ERBB4: variants seen among roughly 807,000 people sequenced by gnomAD.
ERBB4 encodes the protein receptor tyrosine-protein kinase erbB-4.
Under a neutral mutation model 158.0 loss-of-function variants are expected in ERBB4, and 42 were observed. The ratio of observed to expected loss-of-function variants is 0.27; its 90% CI spans 0.21 to 0.34. The LOEUF is 0.34. Ranked by LOEUF, ERBB4 falls within the 10% of genes least tolerant of loss-of-function variation. The pLI, the probability that ERBB4 is intolerant of heterozygous loss-of-function variation, is 1.00. For synonymous variants in ERBB4, 583 were observed against 558.7 expected (o/e 1.04, Z -0.61); for missense variants, 1,333 against 1,624.1 (o/e 0.82, Z 3.08).
chr2:212,535,309 A>C (rs4233986), intron 1 of ERBB4, among the ~76,000 whole-genome samples: 1 of 152,000 alleles, frequency 6.6e-6, no homozygotes, highest in African/African-American at 2.4e-5. Flanking sequence ...TACAGTAAAC[A>C]CTTGTAAGAA....
At chr2:212,074,518 C>T (rs1029786289) in intron 2 of ERBB4, among the ~76,000 whole-genome samples, 2 of 151,760 alleles carry the variant, frequency 1.3e-5, no homozygotes, top group Non-Finnish European at 2.9e-5. Context: ...ATTATTTAAC[C>T]AAATACTATT....
chr2:212,019,714 G>C (rs1302051488), intron 2 of ERBB4, among the ~76,000 whole-genome samples: 1 of 123,860 alleles, frequency 8.1e-6, no homozygotes, highest in Non-Finnish European at 1.6e-5. Context: ...AGTGAGCCAA[G>C]ATTGTGCCAC....
intron 20 of ERBB4, among the ~76,000 whole-genome samples, chr2:211,433,303 C>T (rs925088651): frequency 1.5e-4 from 23 of 151,206 alleles, no homozygotes; most frequent in Admixed American, 1.2e-3. Flanking sequence ...GGAGTGAGGC[C>T]GGGCGCGGTG....
At chr2:212,416,306 G>T (rs1428032106) in intron 1 of ERBB4, among the ~76,000 whole-genome samples, 1 of 152,102 alleles carries the variant, frequency 6.6e-6, no homozygotes, top group Non-Finnish European at 1.5e-5. Context: ...ATCAAGCCCT[G>T]CAGCTTCCTG....
chr2:211,676,834 T>C (rs1008739703), intron 13 of ERBB4, among the ~76,000 whole-genome samples: 11 of 152,192 alleles, frequency 7.2e-5, no homozygotes, highest in Non-Finnish European at 1.3e-4. Context: ...TGTGTTTTGT[T>C]TCATTTATCA....
intron 20 of ERBB4, among the ~76,000 whole-genome samples, chr2:211,524,681 G>T (rs1002627796): frequency 3.2e-5 from 4 of 124,122 alleles, no homozygotes; most frequent in South Asian, 2.3e-4. Flanking sequence ...GTGCGGGGCC[G>T]CCAAGCCCAC....
intron 4 of ERBB4, among the ~76,000 whole-genome samples, chr2:211,775,302 C>T (rs1184607251): frequency 1.3e-5 from 2 of 152,050 alleles, no homozygotes; most frequent in Admixed American, 6.6e-5. Flanking sequence ...GGCTATAGTT[C>T]TCTGTGTAAA....
At chr2:212,515,156 G>A (rs951224760) in intron 1 of ERBB4, among the ~76,000 whole-genome samples, 6 of 152,188 alleles carry the variant, frequency 3.9e-5, no homozygotes, top group Admixed American at 1.3e-4. Context: ...ATATGGCTCA[G>A]TGCTTTGACT....
At chr2:211,948,507 T>C (rs1286839943) in intron 2 of ERBB4, among the ~76,000 whole-genome samples, 3 of 151,918 alleles carry the variant, frequency 2.0e-5, no homozygotes, top group African/African-American at 7.2e-5. Flanking sequence ...ATTTTTAATT[T>C]TTACTGCCCA....
At chr2:212,026,681 T>A (rs1475967026) in intron 2 of ERBB4, among the ~76,000 whole-genome samples, 2 of 152,016 alleles carry the variant, frequency 1.3e-5, no homozygotes, top group Non-Finnish European at 2.9e-5. Context: ...TATTAAAACA[T>A]GTTTTTTCGA....
At chr2:212,404,575 T>C (rs922916480) in intron 1 of ERBB4, among the ~76,000 whole-genome samples, 1 of 152,052 alleles carries the variant, frequency 6.6e-6, no homozygotes, top group Non-Finnish European at 1.5e-5. Flanking sequence ...AGTTATGGCA[T>C]GTTAGAGGAT....
intron 1 of ERBB4, among the ~76,000 whole-genome samples, chr2:212,372,765 C>A (rs1169827453): frequency 1.3e-5 from 2 of 151,998 alleles, no homozygotes; most frequent in Admixed American, 1.3e-4. Flanking sequence ...AAAACAAAAA[C>A]AAAACAAAAC....
Position 211,377,529 on chromosome 2 carries a change from C to G in ERBB4, c.*6086G>C, listed in dbSNP as rs2062497140. 1 of 232,606 alleles carries G rather than the reference C, an allele frequency of 4.3e-6. No homozygotes were observed. The highest frequency in any genetic ancestry group is 2.2e-5 in the African/African-American group (1 of 45,298). 14.4% of individuals were successfully genotyped at this position (232,606 alleles called of 1,614,324 possible). A position where few individuals can be genotyped will look rare whatever the true frequency, so the allele number is the denominator to read the frequency against. The stretch of plus-strand genomic sequence containing the variant: ...CAACATGGATTTTCATTAACATGAA[C>G]TGTCCTCATTATGTATTTGTTAGAT... On this transcript the variant is annotated 3_prime_UTR_variant, in exon 28 of 28. Coordinates refer to ENST00000342788, the MANE Select transcript of ERBB4 (RefSeq NM_005235.3).
chr2:211,468,317 A>C (rs10176444), intron 20 of ERBB4, among the ~76,000 whole-genome samples: 120,200 of 152,060 alleles, frequency 0.79, 47,584 homozygotes, highest in South Asian at 0.85. Context: ...ACTGCCACTG[A>C]ATGTTGTGTT....
rs1252550567 is a variant in ERBB4 at position 211,386,846 on chromosome 2, T to C, written c.3481+7A>G. 1.9e-6 allele frequency: 3 copies of C among 1,613,696 alleles called. No individual in the cohort carries two copies. The Admixed American group carries it at 5.0e-5, about 27-fold the overall frequency. ...ATGGCGATCGTTTCTGAATAATCAGTTCATACCTTGTTTGGGTTTGTCTCG... is the reference window on the plus strand; with the variant it reads ...ATGGCGATCGTTTCTGAATAATCAGCTCATACCTTGTTTGGGTTTGTCTCG... On this transcript the variant is annotated splice_region_variant and intron_variant, in intron 27 of 27. Coordinates refer to ENST00000342788, the MANE Select transcript of ERBB4 (RefSeq NM_005235.3).
In ERBB4 at chr2:212,183,252, G is replaced by T. The variant is rs577409160; in HGVS notation, c.83-58349C>A. On this transcript the variant is annotated intron_variant, in intron 1 of 27. Transcript: ENST00000342788. ...GGTTGTAGTAATAAAAAATAAAAAA[G>T]AAAACACTTGAGATTGCAATTTTAC... Among the ~76,000 whole-genome samples the T allele has an allele frequency of 5.3e-5, 8 of 151,944 alleles. No individual in the cohort carries two copies. In the Middle Eastern group the frequency reaches 0.014, roughly 258 times the overall value.
chr2:211,992,720 G>A (rs537180911), intron 2 of ERBB4, among the ~76,000 whole-genome samples: 2 of 152,202 alleles, frequency 1.3e-5, no homozygotes, highest in Admixed American at 6.5e-5. Flanking sequence ...TGTGGACACC[G>A]CATGTACCTC....
intron 12 of ERBB4, among the ~76,000 whole-genome samples, chr2:211,699,835 T>C (rs1239668666): frequency 6.6e-6 from 1 of 152,184 alleles, no homozygotes; most frequent in Non-Finnish European, 1.5e-5. Context: ...TTTGAAATGT[T>C]TAGAAGTTTT....
intron 1 of ERBB4, among the ~76,000 whole-genome samples, chr2:212,191,798 GTT>G (rs1020383391): frequency 1.5e-4 from 20 of 133,002 alleles, no homozygotes; most frequent in African/African-American, 4.2e-4. Context: ...TGTTCTATAT[GTT>G]ATATATAATA....
Sources: gnomAD v4.1 joint callset for allele counts (sites outside exome capture counted in the v4.1 genomes callset) on GRCh38, gnomAD v4.1.1 for gene constraint, MANE v1.5 for transcripts, NCBI Gene and HGNC (gene_info 2026-07-23, HGNC 2026-07-21) for gene names.